The following LMCD1 variants were observed in gnomAD, a reference collection of about 807,000 sequenced individuals.
LMCD1 encodes LIM and cysteine rich domains 1, also known as LIM and cysteine-rich domains protein 1.
Under a neutral mutation model 42.7 loss-of-function variants are expected in LMCD1, and 32 were observed. The observed-to-expected ratio is 0.75, with a 90% CI of 0.57 to 1.01. The LOEUF is 1.01. LMCD1 is among the 50% of genes least tolerant of loss of function. The pLI is 0.00. For synonymous variants in LMCD1, 178 were observed against 184.9 expected, an observed-to-expected ratio of 0.96 and a Z score of 0.30; for missense variants, 458 against 483.1, an observed-to-expected ratio of 0.95 and a Z score of 0.49.
intron 1 of LMCD1, among the ~76,000 whole-genome samples, chr3:8,527,889 C>T (rs963056488): frequency 6.6e-6 from 1 of 152,146 alleles, no homozygotes; most frequent in East Asian, 1.9e-4. Context: ...GTTTAAAAAG[C>T]GCTTGAGGAG....
At chr3:8,516,286 G>A (rs1216107063) in intron 1 of LMCD1, among the ~76,000 whole-genome samples, 2 of 152,134 alleles carry the variant, frequency 1.3e-5, no homozygotes, top group Non-Finnish European at 2.9e-5. Flanking sequence ...GCCCTCCTGA[G>A]AGACAAGAGC....
chr3:8,503,406 C>T (rs1021853899), intron 1 of LMCD1, among the ~76,000 whole-genome samples: 1 of 152,208 alleles, frequency 6.6e-6, no homozygotes, highest in African/African-American at 2.4e-5. Context: ...TGTATCATGC[C>T]TCACTGCATT....
chr3:8,535,577 T>A (rs903977913), intron 2 of LMCD1, among the ~76,000 whole-genome samples: 1 of 152,182 alleles, frequency 6.6e-6, no homozygotes, highest in Non-Finnish European at 1.5e-5. Context: ...AACCCACTGT[T>A]TTCCAAACTC....
At chr3:8,564,592 A>G (rs146056756) in intron 4 of LMCD1, among the ~76,000 whole-genome samples, 1 of 152,240 alleles carries the variant, frequency 6.6e-6, no homozygotes, top group Admixed American at 6.5e-5. Context: ...TTTATTAAAT[A>G]TTATTTAAAA....
intron 3 of LMCD1, among the ~76,000 whole-genome samples, chr3:8,542,143 C>T (rs1428196063): frequency 6.6e-6 from 1 of 151,792 alleles, no homozygotes; most frequent in African/African-American, 2.4e-5. Context: ...TATAGGCACA[C>T]ACCACCATGC....
At chr3:8,539,795 T>TTA (rs1553607056) in intron 3 of LMCD1, among the ~76,000 whole-genome samples, 2 of 139,842 alleles carry the variant, frequency 1.4e-5, no homozygotes, top group African/African-American at 2.7e-5. Flanking sequence ...TCCCAACATT[T>TTA]TTATTATTAT....
intron 1 of LMCD1, among the ~76,000 whole-genome samples, chr3:8,506,850 G>A (rs1482442884): frequency 2.0e-5 from 3 of 152,144 alleles, no homozygotes; most frequent in Non-Finnish European, 2.9e-5. Flanking sequence ...TGAGAACCAG[G>A]GTTCCTTCTG....
In LMCD1 at chr3:8,548,801, G is replaced by C; in HGVS notation, c.621G>C (p.Leu207Phe). ...TGGCCCTCCCGGGGCAGGGTGGCTT[G>C]CCCAAGGAGGAGGGGAAGCAGCAGG... ...GEVALPGQGG[L>F]PKEEGKQQEK... Residue 207 changes from leucine (L) to phenylalanine (F), a missense_variant, in exon 4 of 6, where the codon TTG (leucine) becomes TTC (phenylalanine). Physicochemically the swap from Leu to Phe is conservative, Grantham distance 22 (BLOSUM62 0). Transcript: ENST00000157600. 6.2e-7 allele frequency: 1 copy of C among 1,608,250 alleles called. No individual in the cohort carries two copies. Among genetic ancestry groups the C allele is most frequent in the Non-Finnish European group, 8.5e-7 (1 of 1,175,228 alleles).
chr3:8,549,080 T>C (rs1274260435), intron 4 of LMCD1, among the ~76,000 whole-genome samples, 177 bp downstream of exon 4: 5 of 152,194 alleles, frequency 3.3e-5, no homozygotes, highest in African/African-American at 7.2e-5. Context: ...TGGAAAATGA[T>C]ACAATACCAC....
In LMCD1 at chr3:8,570,770, C is replaced by G. The variant is rs1217520663; in HGVS notation, c.*3172C>G. 6.6e-6 allele frequency: 1 copy of G among 152,194 alleles called. No individual in the cohort carries two copies. The highest frequency in any genetic ancestry group is 1.9e-4 in the East Asian group (1 of 5,198). The allele number at this position is 152,194 out of a possible 1,614,324, so 9.4% of individuals were successfully genotyped here. A position where few individuals can be genotyped will look rare whatever the true frequency, so the allele number is the denominator to read the frequency against. ...GAACAATCAGGGGCTCCCTGTTGCA[C>G]ACACAGAAAAAAATTGAAACTGTTT... On this transcript the variant is annotated 3_prime_UTR_variant, in exon 6 of 6. Coordinates refer to ENST00000157600, the MANE Select transcript of LMCD1 (RefSeq NM_014583.4).
At chr3:8,542,475 G>A (rs1016597453) in intron 3 of LMCD1, among the ~76,000 whole-genome samples, 7 of 152,102 alleles carry the variant, frequency 4.6e-5, no homozygotes, top group African/African-American at 4.8e-5. Context: ...TCTGGCTGGC[G>A]AAGCCGCTGC....
chr3:8,513,773 C>T (rs1292644576), intron 1 of LMCD1, among the ~76,000 whole-genome samples: 1 of 152,158 alleles, frequency 6.6e-6, no homozygotes, highest in African/African-American at 2.4e-5. Context: ...TCAAATTTTG[C>T]ATGCTTGTGT....
chr3:8,512,155 G>A (rs1694014200), intron 1 of LMCD1, among the ~76,000 whole-genome samples: 1 of 152,136 alleles, frequency 6.6e-6, no homozygotes, highest in Admixed American at 6.6e-5. Flanking sequence ...ATAACAAGAG[G>A]AAAAGAAATC....
chr3:8,543,074 T>A (rs750359263), intron 3 of LMCD1, among the ~76,000 whole-genome samples: 2 of 152,184 alleles, frequency 1.3e-5, no homozygotes, highest in Non-Finnish European at 2.9e-5. Flanking sequence ...TGATCCCCAC[T>A]CTGGCAGAGT....
chr3:8,568,637 A>G lies in LMCD1; in HGVS notation c.*1039A>G, dbSNP rs374847474. On this transcript the variant is annotated 3_prime_UTR_variant, in exon 6 of 6. Coordinates refer to ENST00000157600, the MANE Select transcript of LMCD1 (RefSeq NM_014583.4). The stretch of plus-strand genomic sequence containing the variant: ...AATGCCACTTTTATGAGAAATCTCA[A>G]TTTTTAATGTTGCCAACTAAACATT... 7 of 152,370 alleles carry G rather than the reference A, an allele frequency of 4.6e-5. 1 individual carries two copies. The highest frequency in any genetic ancestry group is 1.3e-4 in the Admixed American group (2 of 15,304). The allele number at this position is 152,370 out of a possible 1,614,324, so 9.4% of individuals were successfully genotyped here. A position where few individuals can be genotyped will look rare whatever the true frequency, so the allele number is the denominator to read the frequency against.
intron 3 of LMCD1, among the ~76,000 whole-genome samples, chr3:8,540,150 A>T (rs1374464147): frequency 6.6e-6 from 1 of 152,136 alleles, no homozygotes; most frequent in Non-Finnish European, 1.5e-5. Context: ...CAAACACCGC[A>T]TGTTCTCACT....
chr3:8,557,408 T>C (rs1160298647), intron 4 of LMCD1, among the ~76,000 whole-genome samples: 1 of 152,230 alleles, frequency 6.6e-6, no homozygotes, highest in African/African-American at 2.4e-5. Context: ...ATTTACTGTA[T>C]TGTAGTAGTG....
chr3:8,527,738 A>G (rs1302230488), intron 1 of LMCD1, among the ~76,000 whole-genome samples: 1 of 152,228 alleles, frequency 6.6e-6, no homozygotes, highest in East Asian at 1.9e-4. Flanking sequence ...GAAACCTGTG[A>G]GTAATCATTA....
intron 4 of LMCD1, among the ~76,000 whole-genome samples, chr3:8,553,973 C>G (rs762702828): frequency 1.3e-5 from 2 of 152,194 alleles, no homozygotes; most frequent in Non-Finnish European, 2.9e-5. Context: ...GGAAAGAAGA[C>G]AAGTTGAGAA....
Sources: gnomAD v4.1 joint callset for allele counts (sites outside exome capture counted in the v4.1 genomes callset) on GRCh38, gnomAD v4.1.1 for gene constraint, MANE v1.5 for transcripts, NCBI Gene and HGNC (gene_info 2026-07-23, HGNC 2026-07-21) for gene names.